CHRM5: variants seen among roughly 807,000 people sequenced by gnomAD.
CHRM5 encodes the protein muscarinic acetylcholine receptor M5.
A neutral mutation model predicts 39.0 loss-of-function variants in CHRM5; 18 were observed. The ratio of observed to expected loss-of-function variants is 0.46; its 90% CI spans 0.32 to 0.68. CHRM5 has a LOEUF of 0.68. Ranked by LOEUF, CHRM5 falls within the 30% of genes least tolerant of loss-of-function variation. The pLI, the probability that CHRM5 is intolerant of heterozygous loss-of-function variation, is 0.04. For missense variants in CHRM5, 515 were observed against 651.1 expected, an observed-to-expected ratio of 0.79 and a Z score of 2.28; for synonymous variants, 241 against 246.3, an observed-to-expected ratio of 0.98 and a Z score of 0.20.
intron 2 of CHRM5, among the ~76,000 whole-genome samples, chr15:34,054,848 G>T (rs537216464): frequency 5.9e-5 from 9 of 151,716 alleles, no homozygotes; most frequent in African/African-American, 2.2e-4. Context: ...TAAGATAAAT[G>T]TTGGGAAAAA....
chr15:34,003,109 T>C, intron 1 of CHRM5: 2 of 1,613,966 alleles, frequency 1.2e-6, no homozygotes, highest in Non-Finnish European at 1.7e-6. Flanking sequence ...TTTTTCAATA[T>C]CTTGATATCG....
At chr15:34,030,407 G>T (rs570104642) in intron 1 of CHRM5, among the ~76,000 whole-genome samples, 2 of 151,400 alleles carry the variant, frequency 1.3e-5, no homozygotes, top group Admixed American at 1.3e-4. Context: ...GTGCAGTGGC[G>T]CAATCTCGCT....
At chr15:34,042,599 C>G (rs1899517430) in intron 1 of CHRM5, among the ~76,000 whole-genome samples, 1 of 151,778 alleles carries the variant, frequency 6.6e-6, no homozygotes, top group Non-Finnish European at 1.5e-5. Flanking sequence ...GACGGGGTTT[C>G]TCCATGTTGG....
At chr15:34,025,757 CGTGT>C (rs150188349) in intron 1 of CHRM5, among the ~76,000 whole-genome samples, 8 of 133,062 alleles carry the variant, frequency 6.0e-5, no homozygotes, top group South Asian at 2.3e-4. Context: ...TTTGGTTTTG[CGTGT>C]GTGTGTGTGT....
chr15:33,982,730 C>A (rs892387657), intron 1 of CHRM5, among the ~76,000 whole-genome samples: 12 of 151,518 alleles, frequency 7.9e-5, no homozygotes, highest in African/African-American at 1.7e-4. Context: ...TTATGTTGTA[C>A]ATCCAAATAC....
rs1899322257 is a variant in CHRM5, at chr15:34,038,968, C to G, written c.-407-7572C>G. The G allele has an allele frequency of 2.7e-6, 3 of 1,110,288 alleles. No homozygotes were observed. 68.8% of individuals were successfully genotyped at this position (1,110,288 alleles called of 1,614,324 possible). Reference sequence around the variant, plus strand: ...ACCGCCGCTGCGGCTCCGGGCCGCTCGCTGTGGCGATCTCCGCCAGGCCGG... The same window carrying G: ...ACCGCCGCTGCGGCTCCGGGCCGCTGGCTGTGGCGATCTCCGCCAGGCCGG... On this transcript the variant is annotated intron_variant, in intron 1 of 2. Coordinates refer to ENST00000383263, the MANE Select transcript of CHRM5 (RefSeq NM_012125.4).
chr15:33,998,586 A>G (rs970203219), intron 1 of CHRM5, among the ~76,000 whole-genome samples: 3 of 152,218 alleles, frequency 2.0e-5, no homozygotes, highest in African/African-American at 7.2e-5. Context: ...TGTCTCAAAC[A>G]TCTCTTCCCA....
At position 34,018,665 on chromosome 15, in the gene CHRM5, G is replaced by A. The variant is rs1349500272; in HGVS notation, c.-407-27875G>A. On this transcript the variant is annotated intron_variant, in intron 1 of 2. Coordinates refer to ENST00000383263, the MANE Select transcript of CHRM5 (RefSeq NM_012125.4). ...GAAAGAACAAAGCTTCCACAGAATG[G>A]AAAGGGACTCCAGTGGGTTGCTGCT... Among the ~76,000 whole-genome samples, 5 of 152,318 alleles carry A rather than the reference G, an allele frequency of 3.3e-5. No individual in the cohort carries two copies. The East Asian group carries it at 9.6e-4, about 29-fold the overall frequency.
At chr15:34,044,657 A>G (rs1250560984) in intron 1 of CHRM5, among the ~76,000 whole-genome samples, 1 of 152,144 alleles carries the variant, frequency 6.6e-6, no homozygotes, top group Admixed American at 6.6e-5. Context: ...CACCTAGCCA[A>G]CCCCATAGCC....
At chr15:33,986,138 G>C (rs186988822) in intron 1 of CHRM5, among the ~76,000 whole-genome samples, 35 of 150,600 alleles carry the variant, frequency 2.3e-4, no homozygotes, top group African/African-American at 8.1e-4. Flanking sequence ...ATGGACTCTC[G>C]CTCTGTCGCC....
chr15:34,027,443 C>T (rs981033558), intron 1 of CHRM5, among the ~76,000 whole-genome samples: 1 of 151,208 alleles, frequency 6.6e-6, no homozygotes, highest in East Asian at 1.9e-4. Context: ...GCAGGAGAAT[C>T]GCTTGAACCC....
At chr15:33,977,259 G>A (rs1289826380) in intron 1 of CHRM5, among the ~76,000 whole-genome samples, 1 of 151,880 alleles carries the variant, frequency 6.6e-6, no homozygotes, top group East Asian at 1.9e-4. Flanking sequence ...AGGATAACAA[G>A]AACAAGCTCC....
rs755369997 is a variant in CHRM5, at chr15:34,063,371, GGAAACAGA to G, written c.658_665del (p.Thr220AlafsTer7). The G allele has an allele frequency of 6.2e-7, 1 of 1,614,042 alleles. No homozygotes were observed. Among genetic ancestry groups the G allele is most frequent in the Non-Finnish European group, 8.5e-7 (1 of 1,180,028 alleles). ...CCATCCTCTACTGTCGAATCTACCG[GGAAACAGA>G]GAAGCGAACCAAGGACCTGGCTGAC... On this transcript the variant is annotated frameshift_variant, in exon 3 of 3. Transcript: ENST00000383263. LOFTEE classifies it high-confidence loss of function. The surrounding 1 kb of genome is among the most constrained non-coding windows in gnomAD (Gnocchi z 4.1).
At chr15:34,062,276 C>T (rs1900358471) in intron 2 of CHRM5, among the ~76,000 whole-genome samples, 1 of 152,154 alleles carries the variant, frequency 6.6e-6, no homozygotes, top group South Asian at 2.1e-4. Flanking sequence ...AAACAATGGG[C>T]CGGGCGCGGT....
chr15:33,970,958 A>G (rs1478031892), intron 1 of CHRM5, among the ~76,000 whole-genome samples: 1 of 151,964 alleles, frequency 6.6e-6, no homozygotes, highest in Admixed American at 6.6e-5. Flanking sequence ...TTTCCAAATC[A>G]AGGCTTTGCT....
chr15:34,055,227 G>A lies in CHRM5; in HGVS notation c.-75-7416G>A, dbSNP rs565473321. Among the ~76,000 whole-genome samples, 34 of 151,262 alleles carry A rather than the reference G, an allele frequency of 2.2e-4. No individual in the cohort carries two copies. The South Asian group carries it at 6.7e-3, about 30-fold the overall frequency. ...AAAGTAAATAAACAAGGCCAGGCCCGGTAGCTCGCACCTGTAATCCCAGCA... is the reference window on the plus strand; with the variant it reads ...AAAGTAAATAAACAAGGCCAGGCCCAGTAGCTCGCACCTGTAATCCCAGCA... On this transcript the variant is annotated intron_variant, in intron 2 of 2. Transcript: ENST00000383263.
At chr15:34,061,076 T>G (rs1393775971) in intron 2 of CHRM5, among the ~76,000 whole-genome samples, 1 of 152,116 alleles carries the variant, frequency 6.6e-6, no homozygotes, top group East Asian at 1.9e-4. Flanking sequence ...CAAGGTGGTG[T>G]TTGTTATATA....
chr15:33,977,669 A>G (rs768342926), intron 1 of CHRM5, among the ~76,000 whole-genome samples: 5 of 152,138 alleles, frequency 3.3e-5, no homozygotes, highest in Non-Finnish European at 5.9e-5. Context: ...AATTCTGACT[A>G]TTTCTACAAG....
intron 1 of CHRM5, among the ~76,000 whole-genome samples, chr15:34,001,771 A>G (rs1897147123): frequency 6.6e-6 from 1 of 152,200 alleles, no homozygotes; most frequent in African/African-American, 2.4e-5. Flanking sequence ...TGCTCGGAAA[A>G]GCACATTCTA....
Sources: allele counts gnomAD v4.1 joint callset (sites outside exome capture counted in the v4.1 genomes callset), GRCh38; gene constraint gnomAD v4.1.1; non-coding constraint Gnocchi (gnomAD v3.1); transcripts MANE v1.5; gene names NCBI Gene and HGNC (gene_info 2026-07-23, HGNC 2026-07-21).